RAB2A: variants seen among roughly 807,000 people sequenced by gnomAD.
RAB2A encodes the protein RAB2A, member RAS oncogene family, also known as ras-related protein Rab-2A.
In RAB2A, 7 loss-of-function variants were observed where a neutral mutation model predicts 32.5. The observed-to-expected ratio is 0.22, with a 90% CI of 0.12 to 0.40. The LOEUF (loss-of-function observed/expected upper bound fraction) is 0.40. Ranked by LOEUF, RAB2A falls within the 10% of genes least tolerant of loss-of-function variation. The pLI is 1.00. For missense variants in RAB2A, 108 were observed against 260.7 expected (o/e 0.41, Z 4.03); for synonymous variants, 79 against 85.2 (o/e 0.93, Z 0.40).
chr8:60,571,935 T>A lies in RAB2A; in HGVS notation c.119-111T>A, dbSNP rs1808202085. On this transcript the variant is annotated intron_variant, in intron 2 of 7. Coordinates refer to ENST00000262646, the MANE Select transcript of RAB2A (RefSeq NM_002865.3). ...GGAACTGCATTTGTTAAAGTTGATCTGTATATTACCTAGCATAGCATGTCT... is the reference window on the plus strand; with the variant it reads ...GGAACTGCATTTGTTAAAGTTGATCAGTATATTACCTAGCATAGCATGTCT... 1.7e-5 allele frequency: 11 copies of A among 630,240 alleles called. No individual in the cohort carries two copies. In the South Asian group the frequency reaches 2.2e-4, roughly 13 times the overall value. The allele number at this position is 630,240 out of a possible 1,614,324, so 39.0% of individuals were successfully genotyped here.
intron 2 of RAB2A, among the ~76,000 whole-genome samples, chr8:60,565,574 A>G (rs1176875204): frequency 1.3e-5 from 2 of 151,804 alleles, no homozygotes; most frequent in African/African-American, 4.8e-5. Flanking sequence ...TCAGTTTTCT[A>G]GTAACTTGAG....
intron 6 of RAB2A, among the ~76,000 whole-genome samples, chr8:60,600,161 A>G (rs2946151): frequency 1 from 152,224 of 152,224 alleles, 76,112 homozygotes; most frequent in Non-Finnish European, 1. Context: ...ATAAGCACTA[A>G]AAAAGATCTT....
At position 60,531,058 on chromosome 8, in the gene RAB2A, TTTTG is replaced by T. The variant is rs1807469952; in HGVS notation, c.46+13809_46+13812del. 2.0e-5 allele frequency among the ~76,000 whole-genome samples: 3 copies of T among 152,338 alleles called. No homozygotes were observed. The South Asian group carries it at 6.2e-4, about 32-fold the overall frequency. On this transcript the variant is annotated intron_variant, in intron 1 of 7. Coordinates refer to ENST00000262646, the MANE Select transcript of RAB2A (RefSeq NM_002865.3). ...TTATTCACCAAGACTCAGGGTTTTG[TTTTG>T]TTTTTTTCCCCTAGCTTTACAGCTG... is the stretch of plus-strand genomic sequence containing the variant.
At chr8:60,544,010 C>T (rs540517348) in intron 1 of RAB2A, among the ~76,000 whole-genome samples, 2 of 142,958 alleles carry the variant, frequency 1.4e-5, no homozygotes, top group African/African-American at 5.2e-5. Context: ...TGCAGTGAGC[C>T]GAGATTGCGC....
At chr8:60,570,749 G>A (rs1356303987) in intron 2 of RAB2A, among the ~76,000 whole-genome samples, 2 of 152,080 alleles carry the variant, frequency 1.3e-5, no homozygotes, top group Non-Finnish European at 2.9e-5. Flanking sequence ...TATTCATTAG[G>A]CCTGTGGGAT....
chr8:60,544,260 G>A (rs1490182880), intron 1 of RAB2A, among the ~76,000 whole-genome samples: 2 of 151,196 alleles, frequency 1.3e-5, no homozygotes, highest in Non-Finnish European at 1.5e-5. Context: ...GGCTGGTCTC[G>A]AACTCCGGAC....
chr8:60,563,311 G>T (rs1054923596), intron 2 of RAB2A, among the ~76,000 whole-genome samples: 1 of 152,176 alleles, frequency 6.6e-6, no homozygotes, highest in African/African-American at 2.4e-5. Context: ...AATTCAGAAG[G>T]TACAGACTAG....
At chr8:60,577,020 C>T (rs1039147331) in intron 3 of RAB2A, among the ~76,000 whole-genome samples, 3 of 151,522 alleles carry the variant, frequency 2.0e-5, no homozygotes, top group Non-Finnish European at 2.9e-5. Context: ...AATCTGACAT[C>T]GGTGATCATA....
At chr8:60,529,152 T>C (rs1344840744) in intron 1 of RAB2A, among the ~76,000 whole-genome samples, 1 of 152,166 alleles carries the variant, frequency 6.6e-6, no homozygotes, top group Admixed American at 6.5e-5. Context: ...TTTCTGACTT[T>C]ATTACACTTA....
intron 3 of RAB2A, among the ~76,000 whole-genome samples, chr8:60,575,921 CTGGG>C: frequency 6.6e-6 from 1 of 152,076 alleles, no homozygotes; most frequent in African/African-American, 2.4e-5. Context: ...TCCCAAAGTG[CTGGG>C]ATTATAGGTG....
At chr8:60,615,321 G>A (rs1327614463) in intron 6 of RAB2A, among the ~76,000 whole-genome samples, 1 of 152,170 alleles carries the variant, frequency 6.6e-6, no homozygotes, top group Non-Finnish European at 1.5e-5. Context: ...AACATCTATA[G>A]ATAAGGTATT....
intron 2 of RAB2A, among the ~76,000 whole-genome samples, chr8:60,566,001 C>T (rs1808107426): frequency 6.6e-6 from 1 of 152,160 alleles, no homozygotes. Flanking sequence ...GCGTGAGCCA[C>T]CATGCCTGGC....
At chr8:60,548,159 C>T (rs1485309489) in intron 1 of RAB2A, among the ~76,000 whole-genome samples, 1 of 19,232 alleles carries the variant, frequency 5.2e-5, no homozygotes, top group Admixed American at 3.6e-4. Context: ...CCCTCCCGGA[C>T]GGGGCGGCTG....
At chr8:60,583,878 G>A (rs1337965531) in intron 3 of RAB2A, among the ~76,000 whole-genome samples, 1 of 152,190 alleles carries the variant, frequency 6.6e-6, no homozygotes, top group African/African-American at 2.4e-5. Flanking sequence ...GTTGCTAGGA[G>A]TCCATTCTGT....
chr8:60,539,465 T>C lies in RAB2A; in HGVS notation c.47-19387T>C, dbSNP rs553900263. Reference sequence around the variant, plus strand: ...AATAAGCAAACAAGGCCTAGAAACCTGAAGCAACTTTTTCAATCAGCATCA... The same window carrying C: ...AATAAGCAAACAAGGCCTAGAAACCCGAAGCAACTTTTTCAATCAGCATCA... On this transcript the variant is annotated intron_variant, in intron 1 of 7. Coordinates refer to ENST00000262646, the MANE Select transcript of RAB2A (RefSeq NM_002865.3). 1.2e-4 allele frequency among the ~76,000 whole-genome samples: 18 copies of C among 152,328 alleles called. No homozygotes were observed. In the South Asian group the frequency reaches 3.5e-3, roughly 30 times the overall value.
At chr8:60,525,961 ATATATATGTCTATATGTCTATATG>A (rs1563458240) in intron 1 of RAB2A, among the ~76,000 whole-genome samples, 2 of 146,298 alleles carry the variant, frequency 1.4e-5, no homozygotes, top group South Asian at 2.1e-4. Flanking sequence ...GTATATATGT[ATATATATGTCTATATGTCTATATG>A]TATATATGTC....
intron 3 of RAB2A, among the ~76,000 whole-genome samples, chr8:60,576,511 A>G (rs1470270114): frequency 2.0e-5 from 3 of 152,174 alleles, no homozygotes; most frequent in African/African-American, 2.4e-5. Flanking sequence ...AAATATTCCT[A>G]TTTTACATGT....
At chr8:60,584,912 C>A in intron 5 of RAB2A, 97 bp downstream of exon 5, 1 of 800,376 alleles carries the variant, frequency 1.2e-6, no homozygotes, top group Non-Finnish European at 1.8e-6. Flanking sequence ...TGTGAGTTAC[C>A]AGCCTCTTAA....
intron 2 of RAB2A, among the ~76,000 whole-genome samples, chr8:60,564,615 A>C (rs1243308268): frequency 6.6e-6 from 1 of 152,102 alleles, no homozygotes; most frequent in Non-Finnish European, 1.5e-5. Flanking sequence ...TAAACTGAAC[A>C]TGTCCCAAAT....
Sources: allele counts gnomAD v4.1 joint callset (sites outside exome capture counted in the v4.1 genomes callset), GRCh38; gene constraint gnomAD v4.1.1; transcripts MANE v1.5; gene names NCBI Gene and HGNC (gene_info 2026-07-23, HGNC 2026-07-21).